Variants in SFMBT2 observed in about 807,000 individuals in gnomAD.
SFMBT2 encodes scm-like with four MBT domains protein 2.
SFMBT2 carries 38 observed loss-of-function variants against 110.1 expected under a neutral mutation model. That is an observed-to-expected ratio of 0.35 (90% CI 0.27 to 0.45). The LOEUF (loss-of-function observed/expected upper bound fraction) is 0.45, where lower values mean the gene tolerates loss of function less well. SFMBT2 is among the 20% of genes least tolerant of loss of function. The pLI, the probability that SFMBT2 is intolerant of heterozygous loss-of-function variation, is 1.00. For missense variants in SFMBT2, 1,011 were observed against 1,094.9 expected (o/e 0.92, Z 1.08); for synonymous variants, 425 against 425.4 (o/e 1.00, Z 0.01).
At chr10:7,281,639 C>T (rs943456117) in intron 6 of SFMBT2, among the ~76,000 whole-genome samples, 5 of 152,096 alleles carry the variant, frequency 3.3e-5, no homozygotes, top group Admixed American at 6.5e-5. Context: ...GGTAGTACAG[C>T]CTCTCTTCCC....
chr10:7,171,002 A>G lies in SFMBT2; in HGVS notation c.2470T>C (p.Trp824Arg). 1 of 1,613,928 alleles carries G rather than the reference A, an allele frequency of 6.2e-7. No homozygotes were observed. Among genetic ancestry groups the G allele is most frequent in the Non-Finnish European group, 8.5e-7 (1 of 1,179,966 alleles). ...AACCTCACCACGTCGGTGACCGTCC[A>G]CTCCAACGGGTTGCTCTCCAGAACC... ...RLVLESNPLEWTVTDVVRFIK... is the reference protein window; with the variant it reads ...RLVLESNPLERTVTDVVRFIK... Residue 824 changes from tryptophan to arginine, a missense_variant, in exon 20 of 21, where the codon TGG becomes CGG. Around this residue, in one of 2 missense-constraint regions of SFMBT2, gnomAD observed 979 missense variants for 1,016.1 expected, o/e 0.96. Transcript: ENST00000397167. This position sits in a 1 kb window ranked among gnomAD's most constrained non-coding sequence, Gnocchi z 4.9.
At position 7,294,082 on chromosome 10, in the gene SFMBT2, C is replaced by A. The variant is rs535634878; in HGVS notation, c.437-8128G>T. On this transcript the variant is annotated intron_variant, in intron 4 of 20. Transcript: ENST00000397167. ...CAGAGCCCAGCTGGAGGTACTGAAC[C>A]CACATTCATTCAGGTTCCCCATGAA... Among the ~76,000 whole-genome samples, 14 of 152,290 alleles carry A rather than the reference C, an allele frequency of 9.2e-5. No homozygotes were observed. The East Asian group carries it at 2.7e-3, about 29-fold the overall frequency.
chr10:7,171,079 G>A lies in SFMBT2; in HGVS notation c.2416-23C>T, dbSNP rs201201333. On this transcript the variant is annotated intron_variant, in intron 19 of 20. Transcript: ENST00000397167. This position sits in a 1 kb window ranked among gnomAD's most constrained non-coding sequence, Gnocchi z 4.9. ...GTCCTGCAGAGAAAGGGCAGGAGGA[G>A]CTCAGCTGCGGCACAGTCAGCTGGC... 25 of 1,613,760 alleles carry A rather than the reference G, an allele frequency of 1.5e-5. No homozygotes were observed. In the Admixed American group the frequency reaches 4.0e-4, roughly 26 times the overall value.
rs148689648 is a variant in SFMBT2, at chr10:7,376,050, A to G, written c.101-5675T>C. 6.7e-3 allele frequency among the ~76,000 whole-genome samples: 1,025 copies of G among 152,326 alleles called. 8 individuals carry two copies. The highest frequency in any genetic ancestry group is 0.041 in the Middle Eastern group (12 of 294). On this transcript the variant is annotated intron_variant, in intron 2 of 20. Coordinates refer to ENST00000397167, the MANE Select transcript of SFMBT2 (RefSeq NM_001387889.1). ...CTCCACTGAGGCTCACCCTGTCTAA[A>G]TGTGCAACACCGCTTTATCTATAGA... is the stretch of plus-strand genomic sequence containing the variant.
intron 1 of SFMBT2, among the ~76,000 whole-genome samples, chr10:7,384,026 T>C (rs544261112): frequency 5.9e-5 from 9 of 151,704 alleles, no homozygotes; most frequent in Admixed American, 5.3e-4. Flanking sequence ...GCCTGACCAA[T>C]ACGGTGAAAG....
rs144502561 is a variant in SFMBT2 at position 7,171,645 on chromosome 10, C to A, written c.2415+250G>T. 1 of 908,270 alleles carries A rather than the reference C, an allele frequency of 1.1e-6. No individual in the cohort carries two copies. The highest frequency in any genetic ancestry group is 1.3e-6 in the Non-Finnish European group (1 of 759,834). 56.3% of individuals were successfully genotyped at this position (908,270 alleles called of 1,614,324 possible). ...GACTGTGCCCTCCTCCTGACAAGAA[C>A]CCAGGTGGCACTAAAGCCGTCCAGG... is the stretch of plus-strand genomic sequence containing the variant. On this transcript the variant is annotated intron_variant, in intron 19 of 20. Coordinates refer to ENST00000397167, the MANE Select transcript of SFMBT2 (RefSeq NM_001387889.1). This position sits in a 1 kb window ranked among gnomAD's most constrained non-coding sequence, Gnocchi z 4.9.
chr10:7,198,176 T>C, intron 14 of SFMBT2: 2 of 983,598 alleles, frequency 2.0e-6, no homozygotes, highest in Non-Finnish European at 2.4e-6. Context: ...CAAGATATTG[T>C]TTGTTTGCTT....
Position 7,171,479 on chromosome 10 carries a change from G to A in SFMBT2, c.2415+416C>T. ...TGATCTCACACCACCCATGGGGCTAGGGGAGACCTGAAACACTGATTAAAT... is the reference window on the plus strand; with the variant it reads ...TGATCTCACACCACCCATGGGGCTAAGGGAGACCTGAAACACTGATTAAAT... On this transcript the variant is annotated intron_variant, in intron 19 of 20. Coordinates refer to ENST00000397167, the MANE Select transcript of SFMBT2 (RefSeq NM_001387889.1). This position sits in a 1 kb window ranked among gnomAD's most constrained non-coding sequence, Gnocchi z 4.9. The A allele has an allele frequency of 2.0e-6, 2 of 985,384 alleles. No homozygotes were observed. Among genetic ancestry groups the A allele is most frequent in the Non-Finnish European group, 2.4e-6 (2 of 829,886 alleles). 61.0% of individuals were successfully genotyped at this position (985,384 alleles called of 1,614,324 possible).
intron 7 of SFMBT2, among the ~76,000 whole-genome samples, chr10:7,256,634 A>G (rs747433733): frequency 6.6e-6 from 1 of 152,220 alleles, no homozygotes; most frequent in Non-Finnish European, 1.5e-5. Context: ...ACAGTGCTTC[A>G]TCAATTATCC....
chr10:7,202,842 A>G, intron 12 of SFMBT2: 2 of 985,428 alleles, frequency 2.0e-6, no homozygotes, highest in Non-Finnish European at 2.4e-6. Context: ...GTTCAGATCA[A>G]TTGTTGCAAG....
chr10:7,275,278 AT>A (rs1564417020), intron 7 of SFMBT2, among the ~76,000 whole-genome samples: 1 of 152,112 alleles, frequency 6.6e-6, no homozygotes, highest in Non-Finnish European at 1.5e-5. Context: ...AATAAAATTT[AT>A]TTTTTCAAGG....
intron 9 of SFMBT2, chr10:7,241,407 G>C: frequency 1.2e-6 from 1 of 857,106 alleles, no homozygotes; most frequent in Non-Finnish European, 1.4e-6. Flanking sequence ...TACTTGATGT[G>C]TAGTATGTAT....
At chr10:7,174,375 T>C (rs1043613437) in intron 17 of SFMBT2, among the ~76,000 whole-genome samples, 1 of 151,928 alleles carries the variant, frequency 6.6e-6, no homozygotes, top group Non-Finnish European at 1.5e-5. Context: ...TGAGAACTGG[T>C]TTTAGGGAAT....
intron 11 of SFMBT2, among the ~76,000 whole-genome samples, chr10:7,214,322 T>A (rs941297720): frequency 3.9e-5 from 6 of 152,216 alleles, no homozygotes; most frequent in Admixed American, 2.0e-4. Context: ...CCCTGTGGGT[T>A]GCTGTGTTGC....
At chr10:7,216,350 G>T (rs1839536658) in intron 11 of SFMBT2, among the ~76,000 whole-genome samples, 1 of 152,128 alleles carries the variant, frequency 6.6e-6, no homozygotes, top group Non-Finnish European at 1.5e-5. Flanking sequence ...TGATCTCATG[G>T]TAGTGAACAA....
chr10:7,171,580 G>T lies in SFMBT2; in HGVS notation c.2415+315C>A, dbSNP rs1415527684. 2 of 985,210 alleles carry T rather than the reference G, an allele frequency of 2.0e-6. No individual in the cohort carries two copies. Among genetic ancestry groups the T allele is most frequent in the East Asian group, 2.3e-4 (2 of 8,822 alleles). 61.0% of individuals were successfully genotyped at this position (985,210 alleles called of 1,614,324 possible). On this transcript the variant is annotated intron_variant, in intron 19 of 20. Transcript: ENST00000397167. The surrounding 1 kb of genome is among the most constrained non-coding windows in gnomAD (Gnocchi z 4.9). ...ACAGCGCAGTCAGGGGAGATGCGGG[G>T]AAGGAATTTCTGGAAACCCAGACTT...
At position 7,220,402 on chromosome 10, in the gene SFMBT2, A is replaced by G. The variant is rs751495841; in HGVS notation, c.1330+9T>C. 1.9e-6 allele frequency: 3 copies of G among 1,613,144 alleles called. No individual in the cohort carries two copies. Among genetic ancestry groups the G allele is most frequent in the South Asian group, 1.1e-5 (1 of 91,000 alleles). Reference sequence around the variant, plus strand: ...CCCCCAGCGACTGCTACCCCCAGCGAGTACGTACCTTCCAGGTGAAGCCAC... The same window carrying G: ...CCCCCAGCGACTGCTACCCCCAGCGGGTACGTACCTTCCAGGTGAAGCCAC... On this transcript the variant is annotated intron_variant, in intron 11 of 20. Transcript: ENST00000397167.
chr10:7,178,649 A>G (rs1256350298), intron 16 of SFMBT2, among the ~76,000 whole-genome samples: 1 of 152,164 alleles, frequency 6.6e-6, no homozygotes, highest in East Asian at 1.9e-4. Context: ...CATCACTTTT[A>G]AGAAAAAAAC....
At chr10:7,226,581 T>C (rs981674952) in intron 10 of SFMBT2, among the ~76,000 whole-genome samples, 1 of 152,230 alleles carries the variant, frequency 6.6e-6, no homozygotes, top group Non-Finnish European at 1.5e-5. Context: ...AATCTTTTTG[T>C]CTTAACATAA....
Sources: gnomAD v4.1 joint callset for allele counts (sites outside exome capture counted in the v4.1 genomes callset) on GRCh38, gnomAD v4.1.1 for gene constraint, gnomAD v4.1.1 regional missense constraint, Gnocchi (gnomAD v3.1) non-coding constraint, MANE v1.5 for transcripts, NCBI Gene and HGNC (gene_info 2026-07-23, HGNC 2026-07-21) for gene names.